Variants in LRP1B observed in about 807,000 individuals in gnomAD.
The protein encoded by LRP1B is LDL receptor related protein 1B.
In LRP1B, 217 loss-of-function variants were observed where a neutral mutation model predicts 556.6. The observed-to-expected ratio is 0.39, with a 90% CI of 0.35 to 0.44. The LOEUF is 0.44. Ranked by LOEUF, LRP1B falls within the 20% of genes least tolerant of loss-of-function variation. The pLI is 1.00. For missense variants in LRP1B, 5,053 were observed against 5,620.8 expected, an observed-to-expected ratio of 0.90 and a Z score of 3.23; for synonymous variants, 2,047 against 1,865.8, an observed-to-expected ratio of 1.10 and a Z score of -2.50.
Position 140,797,242 on chromosome 2 carries a change from A to G in LRP1B, c.5359+16415T>C, listed in dbSNP as rs145245112. Among the ~76,000 whole-genome samples, 1,142 of 152,122 alleles carry G rather than the reference A, an allele frequency of 7.5e-3. 49 individuals carry two copies. The highest frequency in any genetic ancestry group is 0.067 in the Admixed American group (1,018 of 15,256). ...GTGTCTAGAGATAATTCTTCCCCCCAAAACCCAATCTTCTTTTAAAGAAGG... is the reference window on the plus strand; with the variant it reads ...GTGTCTAGAGATAATTCTTCCCCCCGAAACCCAATCTTCTTTTAAAGAAGG... On this transcript the variant is annotated intron_variant, in intron 32 of 90. Coordinates refer to ENST00000389484, the MANE Select transcript of LRP1B (RefSeq NM_018557.3).
intron 86 of LRP1B, among the ~76,000 whole-genome samples, chr2:140,255,898 CCTT>C (rs1681653260): frequency 6.6e-6 from 1 of 152,092 alleles, no homozygotes; most frequent in Non-Finnish European, 1.5e-5. Flanking sequence ...AAATTTTATT[CCTT>C]CTTTCTTTCA....
chr2:140,701,541 T>C (rs1387662021), intron 40 of LRP1B, among the ~76,000 whole-genome samples, 180 bp downstream of exon 40: 1 of 152,144 alleles, frequency 6.6e-6, no homozygotes, highest in Non-Finnish European at 1.5e-5. Flanking sequence ...CGCTTTTGTA[T>C]GAAATATGAC....
chr2:140,540,196 T>C (rs975616552), intron 45 of LRP1B, among the ~76,000 whole-genome samples: 4 of 152,122 alleles, frequency 2.6e-5, no homozygotes, highest in African/African-American at 9.6e-5. Flanking sequence ...GATATATTAA[T>C]AGGTGAGGAG....
chr2:140,590,032 G>A (rs1682153032), intron 43 of LRP1B, among the ~76,000 whole-genome samples: 1 of 151,938 alleles, frequency 6.6e-6, no homozygotes, highest in Non-Finnish European at 1.5e-5. Context: ...TGATCCTTCT[G>A]TATTACTTTG....
At chr2:141,327,935 C>G (rs1282173339) in intron 3 of LRP1B, among the ~76,000 whole-genome samples, 2 of 151,886 alleles carry the variant, frequency 1.3e-5, no homozygotes, top group African/African-American at 4.8e-5. Flanking sequence ...GGTGTGCACA[C>G]ATCTATATAA....
intron 2 of LRP1B, among the ~76,000 whole-genome samples, chr2:141,751,101 T>G (rs1694094293): frequency 6.6e-6 from 1 of 152,028 alleles, no homozygotes; most frequent in African/African-American, 2.4e-5. Flanking sequence ...GCTTTATTTA[T>G]TTTTGTATTT....
chr2:141,459,242 C>A (rs181648497), intron 3 of LRP1B, among the ~76,000 whole-genome samples: 1 of 152,174 alleles, frequency 6.6e-6, no homozygotes, highest in East Asian at 1.9e-4. Flanking sequence ...AACACACACA[C>A]GTGTATGTAT....
chr2:140,467,533 G>A (rs75197300), intron 60 of LRP1B, among the ~76,000 whole-genome samples: 9,634 of 149,912 alleles, frequency 0.064, 383 homozygotes, highest in African/African-American at 0.079. Flanking sequence ...GAATTGCTTG[G>A]ACCCAGGAGG....
At chr2:141,600,458 C>A (rs1217411705) in intron 2 of LRP1B, among the ~76,000 whole-genome samples, 1 of 152,076 alleles carries the variant, frequency 6.6e-6, no homozygotes, top group African/African-American at 2.4e-5. Context: ...GGTGGTAGAA[C>A]TGGGAAGAGG....
intron 41 of LRP1B, among the ~76,000 whole-genome samples, chr2:140,666,958 T>C (rs1390762484): frequency 6.6e-6 from 1 of 152,200 alleles, no homozygotes; most frequent in African/African-American, 2.4e-5. Context: ...AGGCATAACA[T>C]TTTTTTAAAA....
rs543847294 is a variant in LRP1B, at chr2:141,163,487, A to T, written c.1013+24934T>A. 7.2e-5 allele frequency among the ~76,000 whole-genome samples: 11 copies of T among 152,120 alleles called. No homozygotes were observed. The East Asian group carries it at 1.9e-3, about 27-fold the overall frequency. The stretch of plus-strand genomic sequence containing the variant: ...AGGAAGATGCCCGGAAAAAGTCAGG[A>T]TTACAATCTTGGTCTGGTACTGATA... On this transcript the variant is annotated intron_variant, in intron 7 of 90. Transcript: ENST00000389484.
chr2:141,763,125 T>C (rs1255687312), intron 2 of LRP1B, among the ~76,000 whole-genome samples: 1 of 152,160 alleles, frequency 6.6e-6, no homozygotes. Flanking sequence ...AGGAGAAAAT[T>C]GCCTTTCTGG....
chr2:141,867,150 C>T (rs1478468878), intron 1 of LRP1B, among the ~76,000 whole-genome samples: 1 of 151,996 alleles, frequency 6.6e-6, no homozygotes, highest in African/African-American at 2.4e-5. Flanking sequence ...GAGATAAAAT[C>T]GAATAAAAAA....
At chr2:140,819,300 T>C (rs890537029) in intron 31 of LRP1B, among the ~76,000 whole-genome samples, 1 of 152,180 alleles carries the variant, frequency 6.6e-6, no homozygotes, top group Non-Finnish European at 1.5e-5. Flanking sequence ...ATCTAATTAC[T>C]AAAAATGTTG....
chr2:141,037,575 C>G (rs1698570106), intron 11 of LRP1B, among the ~76,000 whole-genome samples: 1 of 151,982 alleles, frequency 6.6e-6, no homozygotes, highest in South Asian at 2.1e-4. Context: ...ATAGTGTTGG[C>G]TGATTTGCAC....
chr2:141,373,314 A>T (rs1689303216), intron 3 of LRP1B, among the ~76,000 whole-genome samples: 1 of 152,108 alleles, frequency 6.6e-6, no homozygotes, highest in South Asian at 2.1e-4. Flanking sequence ...AACGATGAAT[A>T]TTCTATAGTT....
chr2:141,268,836 A>C (rs1216559017), intron 3 of LRP1B, among the ~76,000 whole-genome samples: 2 of 152,194 alleles, frequency 1.3e-5, no homozygotes, highest in African/African-American at 4.8e-5. Context: ...CAAATTGGAG[A>C]AATACACTCA....
In LRP1B at chr2:140,296,152, A is replaced by T. The variant is rs118052315; in HGVS notation, c.12967+1656T>A. 7.2e-5 allele frequency among the ~76,000 whole-genome samples: 11 copies of T among 152,330 alleles called. No individual in the cohort carries two copies. In the East Asian group the frequency reaches 2.1e-3, roughly 29 times the overall value. ...CAATATCCAACAGTTTTGAGTGCCA[A>T]CATGATGCCACGAGTGGAAAATTTC... On this transcript the variant is annotated intron_variant, in intron 84 of 90. Transcript: ENST00000389484.
chr2:140,285,400 CAG>C (rs140170642), intron 84 of LRP1B, among the ~76,000 whole-genome samples: 260 of 150,348 alleles, frequency 1.7e-3, no homozygotes, highest in Middle Eastern at 3.7e-3. Flanking sequence ...TATATACACA[CAG>C]AGAGAGAGAT....
Sources: allele counts gnomAD v4.1 joint callset (sites outside exome capture counted in the v4.1 genomes callset), GRCh38; gene constraint gnomAD v4.1.1; transcripts MANE v1.5; gene names NCBI Gene and HGNC (gene_info 2026-07-23, HGNC 2026-07-21).